The following FGF2 variants were observed in gnomAD, a reference collection of about 807,000 sequenced individuals.
FGF2 encodes the protein basic fibroblast growth factor bFGF.
In FGF2, 13 loss-of-function variants were observed where a neutral mutation model predicts 15.9. That is an observed-to-expected ratio of 0.82 (90% CI 0.53 to 1.30). The LOEUF (loss-of-function observed/expected upper bound fraction) is 1.30, where lower values mean the gene tolerates loss of function less well. FGF2 is among the 50% of genes most tolerant of loss of function. The pLI, the probability that FGF2 is intolerant of heterozygous loss-of-function variation, is 0.00. For synonymous variants in FGF2, 90 were observed against 78.4 expected, an observed-to-expected ratio of 1.15 and a Z score of -0.78; for missense variants, 163 against 196.9, an observed-to-expected ratio of 0.83 and a Z score of 1.03.
intron 2 of FGF2, among the ~76,000 whole-genome samples, chr4:122,879,873 C>G (rs1726926989): frequency 6.6e-6 from 1 of 152,150 alleles, no homozygotes; most frequent in Non-Finnish European, 1.5e-5. Context: ...CCCACTGGGT[C>G]CTTCCCATAA....
intron 1 of FGF2, among the ~76,000 whole-genome samples, chr4:122,855,900 T>C (rs1448912520): frequency 1.3e-5 from 2 of 150,866 alleles, no homozygotes; most frequent in Non-Finnish European, 2.9e-5. Context: ...AAAAGTGATA[T>C]TTGAGCTTCA....
At chr4:122,863,084 A>G (rs1414229887) in intron 1 of FGF2, among the ~76,000 whole-genome samples, 1 of 152,208 alleles carries the variant, frequency 6.6e-6, no homozygotes, top group African/African-American at 2.4e-5. Flanking sequence ...ACTTTAGGGA[A>G]TTATTCCTAT....
intron 1 of FGF2, among the ~76,000 whole-genome samples, chr4:122,837,841 T>A (rs1725897489): frequency 6.6e-6 from 1 of 152,202 alleles, no homozygotes. Context: ...GAGTCATATT[T>A]TACCTTTAAA....
intron 1 of FGF2, among the ~76,000 whole-genome samples, chr4:122,828,269 A>T (rs1214736334): frequency 2.6e-5 from 4 of 152,170 alleles, no homozygotes; most frequent in African/African-American, 9.7e-5. Context: ...GGGGATGCTG[A>T]TCACATCACA....
At chr4:122,867,294 T>TTATA (rs1221004265) in intron 1 of FGF2, among the ~76,000 whole-genome samples, 1 of 152,202 alleles carries the variant, frequency 6.6e-6, no homozygotes, top group Admixed American at 6.5e-5. Context: ...GGCATGTGAA[T>TTATA]TATACCTCAA....
intron 1 of FGF2, among the ~76,000 whole-genome samples, chr4:122,847,467 A>G (rs1054974286): frequency 2.0e-5 from 3 of 152,154 alleles, no homozygotes; most frequent in Non-Finnish European, 4.4e-5. Flanking sequence ...TTGGAGTCTC[A>G]TCACAGAGGA....
chr4:122,836,274 C>T (rs1329943984), intron 1 of FGF2, among the ~76,000 whole-genome samples: 1 of 152,178 alleles, frequency 6.6e-6, no homozygotes. Flanking sequence ...AGCCAAGTCT[C>T]TTAACTTCCT....
chr4:122,841,592 AG>A (rs1313725369), intron 1 of FGF2, among the ~76,000 whole-genome samples: 4 of 152,242 alleles, frequency 2.6e-5, no homozygotes, highest in African/African-American at 7.2e-5. Context: ...TTCCTCTAAA[AG>A]AAAAAAAATA....
intron 2 of FGF2, among the ~76,000 whole-genome samples, chr4:122,877,162 T>A (rs1477926560): frequency 6.6e-6 from 1 of 151,150 alleles, no homozygotes; most frequent in African/African-American, 2.4e-5. Flanking sequence ...CAGACTGGAG[T>A]GCAGTGGCGT....
chr4:122,837,640 G>GAT (rs1310966895), intron 1 of FGF2, among the ~76,000 whole-genome samples: 10 of 151,992 alleles, frequency 6.6e-5, no homozygotes, highest in Admixed American at 2.0e-4. Context: ...CTCATTTGGA[G>GAT]ATGGGGTGTG....
At chr4:122,891,127 G>T (rs989642662) in intron 2 of FGF2, among the ~76,000 whole-genome samples, 8 of 147,900 alleles carry the variant, frequency 5.4e-5, no homozygotes, top group African/African-American at 2.0e-4. Context: ...TGCAAGCTCC[G>T]CCTCCCAGGT....
At chr4:122,890,859 C>T (rs45549636) in intron 2 of FGF2, among the ~76,000 whole-genome samples, 6,356 of 152,106 alleles carry the variant, frequency 0.042, 425 homozygotes, top group African/African-American at 0.14. Flanking sequence ...ATAAAATTTA[C>T]ATGTGTTTTC....
chr4:122,871,648 C>A (rs1272332742), intron 1 of FGF2, among the ~76,000 whole-genome samples: 1 of 152,006 alleles, frequency 6.6e-6, no homozygotes, highest in East Asian at 1.9e-4. Flanking sequence ...GAAGCAGGCA[C>A]CCATCTTTGC....
chr4:122,827,153 C>G lies in FGF2; in HGVS notation c.-22C>G, dbSNP rs1725657170. On this transcript the variant is annotated 5_prime_UTR_variant, in exon 1 of 3. Transcript: ENST00000644866. The surrounding 1 kb of genome is among the most constrained non-coding windows in gnomAD (Gnocchi z 4.2). ...GCGCGGCTCCAGCGGCTCGGGGATC[C>G]CGGCCGGGCCCCGCAGGGACCATGG... is the stretch of plus-strand genomic sequence containing the variant. 2 of 1,395,578 alleles carry G rather than the reference C, an allele frequency of 1.4e-6. No individual in the cohort carries two copies. The highest frequency in any genetic ancestry group is 1.9e-6 in the Non-Finnish European group (2 of 1,071,602). The allele number at this position is 1,395,578 out of a possible 1,614,324, so 86.4% of individuals were successfully genotyped here.
At chr4:122,886,392 T>C (rs977727945) in intron 2 of FGF2, among the ~76,000 whole-genome samples, 4 of 152,170 alleles carry the variant, frequency 2.6e-5, no homozygotes, top group Non-Finnish European at 4.4e-5. Context: ...GTAAAGTTAC[T>C]CTTTCACTTC....
At chr4:122,882,887 A>C (rs140800050) in intron 2 of FGF2, 1 of 152,318 alleles carries the variant, frequency 6.6e-6, no homozygotes, top group African/African-American at 2.4e-5. Flanking sequence ...CTTCAGATGA[A>C]AAAGTAAGCG....
chr4:122,826,749 A>C, upstream of FGF2: 1 of 1,281,468 alleles, frequency 7.8e-7, no homozygotes, highest in Non-Finnish European at 9.9e-7. Context: ...GGCGCGCAGG[A>C]GGGAGGAGAA....
Position 122,893,382 on chromosome 4 carries a change from A to G in FGF2, c.*986A>G. 1.7e-6 allele frequency: 1 copy of G among 590,914 alleles called. No individual in the cohort carries two copies. The highest frequency in any genetic ancestry group is 2.7e-6 in the Non-Finnish European group (1 of 373,540). The allele number at this position is 590,914 out of a possible 1,614,324, so 36.6% of individuals were successfully genotyped here. A position where few individuals can be genotyped will look rare whatever the true frequency, so the allele number is the denominator to read the frequency against. On this transcript the variant is annotated 3_prime_UTR_variant, in exon 3 of 3. Coordinates refer to ENST00000644866, the MANE Select transcript of FGF2 (RefSeq NM_001361665.2). ...CAAATTCTTTGCCTTGTGGATATCA[A>G]GAAATCCCAAAATATTTTCTTACCA...
intron 1 of FGF2, among the ~76,000 whole-genome samples, chr4:122,872,075 T>C (rs1396263261): frequency 3.3e-5 from 5 of 152,120 alleles, no homozygotes; most frequent in Non-Finnish European, 4.4e-5. Flanking sequence ...AAAACTACGC[T>C]GAGCTAAAAG....
Sources: allele counts gnomAD v4.1 joint callset (sites outside exome capture counted in the v4.1 genomes callset), GRCh38; gene constraint gnomAD v4.1.1; non-coding constraint Gnocchi (gnomAD v3.1); transcripts MANE v1.5; gene names NCBI Gene and HGNC (gene_info 2026-07-23, HGNC 2026-07-21).